Variants in LMO7 observed in about 807,000 individuals in gnomAD.
LMO7 encodes LIM domain only protein 7.
Under a neutral mutation model 206.5 loss-of-function variants are expected in LMO7, and 120 were observed. The observed-to-expected ratio is 0.58, with a 90% CI of 0.50 to 0.68. LMO7 has a LOEUF of 0.68. Among genes scored for constraint, LMO7 ranks in the 30% least tolerant of loss-of-function variants. The pLI is 0.00. For missense variants in LMO7, 1,959 were observed against 1,957.9 expected, an observed-to-expected ratio of 1.00 and a Z score of -0.01; for synonymous variants, 706 against 681.5, an observed-to-expected ratio of 1.04 and a Z score of -0.56.
intron 2 of LMO7, 44 bp downstream of exon 2, chr13:75,713,296 A>ATG (rs3837544): frequency 1.0e-4 from 138 of 1,338,460 alleles, no homozygotes; most frequent in Middle Eastern, 1.8e-4. Context: ...AAGCAAAGAT[A>ATG]TGTGTGTGTG....
intron 1 of LMO7, among the ~76,000 whole-genome samples, chr13:75,644,651 C>T (rs1413240157): frequency 2.0e-5 from 3 of 152,092 alleles, no homozygotes; most frequent in Non-Finnish European, 4.4e-5. Context: ...TTTTTAGAGA[C>T]AGGGTCTTGC....
At chr13:75,780,547 G>A (rs1021172469) in intron 4 of LMO7, among the ~76,000 whole-genome samples, 3 of 152,126 alleles carry the variant, frequency 2.0e-5, no homozygotes, top group Admixed American at 6.5e-5. Flanking sequence ...CAGATTTTAT[G>A]TTGTTCAAAC....
rs1207329987 is a variant in LMO7 at position 75,834,259 on chromosome 13, A to C, written c.3098A>C (p.Asp1033Ala). The C allele has an allele frequency of 6.2e-7, 1 of 1,607,426 alleles. No individual in the cohort carries two copies. Among genetic ancestry groups the C allele is most frequent in the African/African-American group, 1.3e-5 (1 of 74,590 alleles). ...GCAGAATTTTCTCAGCTACAAGTAG[A>C]TGATGAAATTATTGCTATTAACAAC... ...SPAEFSQLQVDDEIIAINNTK... is the reference protein window; with the variant it reads ...SPAEFSQLQVADEIIAINNTK... Residue 1033 changes from aspartate to alanine, a missense_variant, in exon 17 of 31, where the codon GAT (aspartate) becomes GCT (alanine). By Grantham distance (126) the Asp-to-Ala change is moderately radical. Coordinates refer to ENST00000377534, the MANE Select transcript of LMO7 (RefSeq NM_001306080.2).
chr13:75,750,045 C>A (rs2047147968), intron 3 of LMO7, among the ~76,000 whole-genome samples: 1 of 151,138 alleles, frequency 6.6e-6, no homozygotes, highest in South Asian at 2.1e-4. Context: ...GATGATTATC[C>A]AAAATAATAG....
chr13:75,804,090 G>T, intron 7 of LMO7, 199 bp from the exon 8 acceptor site: 1 of 553,714 alleles, frequency 1.8e-6, no homozygotes, highest in Non-Finnish European at 3.2e-6. Context: ...AGAATGTACT[G>T]CATGTGCCTC....
intron 2 of LMO7, among the ~76,000 whole-genome samples, chr13:75,725,365 T>C (rs1406197923): frequency 6.6e-6 from 1 of 152,084 alleles, no homozygotes; most frequent in African/African-American, 2.4e-5. Context: ...AGATCAAATT[T>C]CAAAATACAC....
intron 1 of LMO7, among the ~76,000 whole-genome samples, chr13:75,664,328 C>T (rs901743739): frequency 1.3e-5 from 2 of 152,280 alleles, no homozygotes; most frequent in African/African-American, 4.8e-5. Flanking sequence ...TAATGATCTC[C>T]AGTTCCATCC....
At chr13:75,731,993 C>A (rs182120809) in intron 3 of LMO7, among the ~76,000 whole-genome samples, 1 of 152,176 alleles carries the variant, frequency 6.6e-6, no homozygotes, top group Non-Finnish European at 1.5e-5. Context: ...CTGACAGATC[C>A]GCTGTTAGTC....
At chr13:75,784,032 C>T (rs566567102) in intron 4 of LMO7, among the ~76,000 whole-genome samples, 1 of 152,146 alleles carries the variant, frequency 6.6e-6, no homozygotes, top group Admixed American at 6.5e-5. Context: ...TTTTGTACCC[C>T]CCTTCCCTTG....
At chr13:75,704,178 A>G (rs759875505) in intron 1 of LMO7, among the ~76,000 whole-genome samples, 10 of 152,184 alleles carry the variant, frequency 6.6e-5, no homozygotes, top group African/African-American at 1.4e-4. Context: ...CCCTGCGGAA[A>G]AATGCCCTGT....
At chr13:75,633,625 G>A (rs901740831), upstream of LMO7, among the ~76,000 whole-genome samples, 9 of 152,152 alleles carry the variant, frequency 5.9e-5, no homozygotes, top group Admixed American at 5.9e-4. Context: ...AAAAGGGGGA[G>A]TGTGGAGGAG....
At chr13:75,855,165 A>G in intron 28 of LMO7, 95 bp from the exon 29 acceptor site, 1 of 722,206 alleles carries the variant, frequency 1.4e-6, no homozygotes, top group Non-Finnish European at 2.4e-6. Flanking sequence ...CTTTTCTTAA[A>G]TTATTATCAG....
chr13:75,769,351 C>G (rs1392879653), intron 4 of LMO7, among the ~76,000 whole-genome samples: 1 of 151,874 alleles, frequency 6.6e-6, no homozygotes, highest in Non-Finnish European at 1.5e-5. Flanking sequence ...CCCTACTAAC[C>G]TGGGAGGCAG....
At chr13:75,773,722 A>T (rs73227970) in intron 4 of LMO7, among the ~76,000 whole-genome samples, 1 of 152,166 alleles carries the variant, frequency 6.6e-6, no homozygotes, top group Admixed American at 6.5e-5. Flanking sequence ...ATTGTGTTGG[A>T]TGTGACAGTA....
At chr13:75,725,635 T>C (rs1213906105) in intron 2 of LMO7, among the ~76,000 whole-genome samples, 1 of 152,078 alleles carries the variant, frequency 6.6e-6, no homozygotes, top group East Asian at 1.9e-4. Context: ...AAAAAAATCA[T>C]GTGGACATGA....
chr13:75,621,660 C>G, exon 1 of LMO7: 1 of 1,403,540 alleles, frequency 7.1e-7, no homozygotes, highest in South Asian at 1.4e-5. Context: ...TGGGTACGGT[C>G]TAAAGCTATT....
chr13:75,787,200 A>G (rs1474148208), intron 4 of LMO7, among the ~76,000 whole-genome samples: 2 of 152,124 alleles, frequency 1.3e-5, no homozygotes, highest in African/African-American at 2.4e-5. Flanking sequence ...CTTAATATGC[A>G]CTCTGTTTGT....
At chr13:75,782,807 C>T (rs80011621) in intron 4 of LMO7, among the ~76,000 whole-genome samples, 8,467 of 152,210 alleles carry the variant, frequency 0.056, 325 homozygotes, top group Non-Finnish European at 0.084. Context: ...CTACAACAGT[C>T]GAGTCTCCCT....
chr13:75,736,952 T>C (rs577247087), intron 3 of LMO7, among the ~76,000 whole-genome samples: 2 of 152,296 alleles, frequency 1.3e-5, no homozygotes, highest in South Asian at 4.1e-4. Context: ...TGAAAAATAA[T>C]AGATTCTAGA....
Sources: allele counts gnomAD v4.1 joint callset (sites outside exome capture counted in the v4.1 genomes callset), GRCh38; gene constraint gnomAD v4.1.1; transcripts MANE v1.5; gene names NCBI Gene and HGNC (gene_info 2026-07-23, HGNC 2026-07-21).